Variants in DNAH8 observed in about 807,000 individuals in gnomAD.
DNAH8 encodes the protein axonemal beta dynein heavy chain 8.
Under a neutral mutation model 562.1 loss-of-function variants are expected in DNAH8, and 382 were observed. The observed-to-expected ratio is 0.68, with a 90% CI of 0.63 to 0.74. The LOEUF is 0.74. Ranked by LOEUF, DNAH8 falls within the 30% of genes least tolerant of loss-of-function variation. The probability of loss-of-function intolerance (pLI) is 0.00; values close to 1 mark genes in which losing one functional copy is unlikely to be tolerated. For synonymous variants in DNAH8, 1,881 were observed against 1,919.4 expected (o/e 0.98, Z 0.52); for missense variants, 5,203 against 5,620.4 (o/e 0.93, Z 2.37).
intron 61 of DNAH8, 120 bp downstream of exon 61, chr6:38,898,500 A>G (rs1413818328): frequency 2.6e-6 from 2 of 770,602 alleles, no homozygotes; most frequent in African/African-American, 1.8e-5. Flanking sequence ...AAGACTGTAC[A>G]TAGGTTGGGT....
chr6:38,891,450 A>G lies in DNAH8; in HGVS notation c.8583+689A>G, dbSNP rs368759921. ...CACATCCATTAGGCCAATTATACAC[A>G]TGTGGGCACGCACTTGTCTCCTGGG... On this transcript the variant is annotated intron_variant, in intron 58 of 92. Transcript: ENST00000327475. Among the ~76,000 whole-genome samples, 9 of 152,362 alleles carry G rather than the reference A, an allele frequency of 5.9e-5. No homozygotes were observed. The East Asian group carries it at 1.7e-3, about 29-fold the overall frequency.
At chr6:38,838,507 T>C (rs1306933034) in intron 33 of DNAH8, among the ~76,000 whole-genome samples, 1 of 151,836 alleles carries the variant, frequency 6.6e-6, no homozygotes, top group African/African-American at 2.4e-5. Flanking sequence ...CATGCTATTC[T>C]CCTGCCTCAG....
chr6:38,990,173 G>A lies in DNAH8; in HGVS notation c.13214+1G>A, dbSNP rs748507521. On this transcript the variant is annotated splice_donor_variant, in intron 88 of 92. Coordinates refer to ENST00000327475, the MANE Select transcript of DNAH8 (RefSeq NM_001206927.2). LOFTEE classifies it high-confidence loss of function. ...GGCTTCACCCTAATGCTGATATCAC[G>A]TAAGTCCCTGGCATTTTTTAATTTG... is the stretch of plus-strand genomic sequence containing the variant. The A allele has an allele frequency of 1.4e-5, 23 of 1,590,286 alleles. No homozygotes were observed. Among genetic ancestry groups the A allele is most frequent in the African/African-American group, 2.7e-5 (2 of 73,714 alleles).
chr6:38,884,635 C>T (rs1778778943), intron 56 of DNAH8, among the ~76,000 whole-genome samples: 1 of 152,188 alleles, frequency 6.6e-6, no homozygotes. Flanking sequence ...CTCTCTTTGG[C>T]TACTTGACTT....
At chr6:38,998,770 C>T (rs1473719067) in intron 88 of DNAH8, among the ~76,000 whole-genome samples, 1 of 152,164 alleles carries the variant, frequency 6.6e-6, no homozygotes, top group Non-Finnish European at 1.5e-5. Context: ...TGAGCTTCTT[C>T]CCATATTTAC....
intron 15 of DNAH8, among the ~76,000 whole-genome samples, chr6:38,780,551 G>A (rs778168692): frequency 3.9e-5 from 6 of 152,052 alleles, no homozygotes; most frequent in Admixed American, 2.0e-4. Flanking sequence ...GAACATGGAC[G>A]AAGCTAGAGG....
chr6:38,819,833 T>C (rs1225211183), intron 26 of DNAH8, among the ~76,000 whole-genome samples: 1 of 152,162 alleles, frequency 6.6e-6, no homozygotes, highest in Non-Finnish European at 1.5e-5. Context: ...TTACCAGTAA[T>C]ACAATTAATG....
Position 38,741,784 on chromosome 6 carries a change from A to G in DNAH8, c.1190A>G (p.Lys397Arg). ...SGPLTELEHWKRMSAKFNYII... is the reference protein window; with the variant it reads ...SGPLTELEHWRRMSAKFNYII... ...CCACTCACTGAATTGGAACACTGGAAACGCATGTCAGCCAAGTTCAACTAT... is the reference window on the plus strand; with the variant it reads ...CCACTCACTGAATTGGAACACTGGAGACGCATGTCAGCCAAGTTCAACTAT... Residue 397 changes from lysine (K) to arginine (R), a missense_variant, in exon 8 of 93, where the codon AAA becomes AGA. Transcript: ENST00000327475. 1 of 1,614,128 alleles carries G rather than the reference A, an allele frequency of 6.2e-7. No homozygotes were observed. Among genetic ancestry groups the G allele is most frequent in the South Asian group, 1.1e-5 (1 of 91,082 alleles).
At chr6:39,019,799 G>A (rs547872927) in intron 91 of DNAH8, among the ~76,000 whole-genome samples, 24 of 152,272 alleles carry the variant, frequency 1.6e-4, no homozygotes, top group African/African-American at 4.6e-4. Flanking sequence ...TTAATGGGTC[G>A]CAGCAGATGG....
rs137898268 is a variant in DNAH8, at chr6:38,794,177, G to C, written c.2901+2503G>C. ...CCCGCCAGCCCAGAGCCTCAACCAA[G>C]GTAGCTGACTTTCCTTTCTCGTCCA... On this transcript the variant is annotated intron_variant, in intron 21 of 92. Coordinates refer to ENST00000327475, the MANE Select transcript of DNAH8 (RefSeq NM_001206927.2). Among the ~76,000 whole-genome samples, 125 of 152,026 alleles carry C rather than the reference G, an allele frequency of 8.2e-4. 1 individual carries two copies. The highest frequency in any genetic ancestry group is 2.9e-3 in the African/African-American group (121 of 41,502).
intron 17 of DNAH8, among the ~76,000 whole-genome samples, chr6:38,785,314 G>A (rs1398319363): frequency 2.0e-5 from 3 of 152,108 alleles, no homozygotes; most frequent in Non-Finnish European, 4.4e-5. Flanking sequence ...TGGTTGCTCA[G>A]TAAAGTTTCT....
chr6:38,820,209 C>T (rs1009937456), intron 26 of DNAH8, among the ~76,000 whole-genome samples: 7 of 152,022 alleles, frequency 4.6e-5, no homozygotes, highest in Non-Finnish European at 8.8e-5. Flanking sequence ...TAATGAGGAC[C>T]GTCTTTTAGT....
chr6:38,878,922 A>G (rs926346233), intron 53 of DNAH8, among the ~76,000 whole-genome samples: 1 of 152,200 alleles, frequency 6.6e-6, no homozygotes, highest in African/African-American at 2.4e-5. Flanking sequence ...ATAATTCCAC[A>G]TGATACGTTA....
At chr6:38,727,055 A>T (rs1763288025) in intron 3 of DNAH8, among the ~76,000 whole-genome samples, 2 of 151,658 alleles carry the variant, frequency 1.3e-5, no homozygotes, top group South Asian at 4.2e-4. Context: ...ACGGGGTTTC[A>T]CCATCTTGGC....
intron 14 of DNAH8, among the ~76,000 whole-genome samples, chr6:38,779,294 C>T (rs1296910709): frequency 6.6e-6 from 1 of 152,138 alleles, no homozygotes; most frequent in East Asian, 1.9e-4. Context: ...ACAGAAATAA[C>T]ATAATTTTGA....
chr6:38,952,767 G>A (rs1171401052), intron 82 of DNAH8, among the ~76,000 whole-genome samples: 2 of 152,108 alleles, frequency 1.3e-5, no homozygotes, highest in African/African-American at 4.8e-5. Flanking sequence ...AATGGCCACG[G>A]TCTTCTGTCT....
At chr6:38,745,876 G>A (rs1231102343) in intron 8 of DNAH8, among the ~76,000 whole-genome samples, 3 of 152,190 alleles carry the variant, frequency 2.0e-5, no homozygotes, top group Non-Finnish European at 4.4e-5. Flanking sequence ...CAGAGTTGAT[G>A]TGCTCTTCCC....
chr6:38,941,081 C>T (rs1783418415), intron 79 of DNAH8, among the ~76,000 whole-genome samples: 2 of 151,626 alleles, frequency 1.3e-5, no homozygotes, highest in South Asian at 4.2e-4. Context: ...GATCATGCCA[C>T]TGCACTCCAG....
At chr6:39,007,066 T>C (rs1388969134) in intron 88 of DNAH8, among the ~76,000 whole-genome samples, 3 of 152,188 alleles carry the variant, frequency 2.0e-5, no homozygotes, top group Non-Finnish European at 4.4e-5. Flanking sequence ...AGCATTCATT[T>C]TATTTGACCC....
Sources: allele counts gnomAD v4.1 joint callset (sites outside exome capture counted in the v4.1 genomes callset), GRCh38; gene constraint gnomAD v4.1.1; transcripts MANE v1.5; gene names NCBI Gene and HGNC (gene_info 2026-07-23, HGNC 2026-07-21).